Variants in TRIQK observed in about 807,000 individuals in gnomAD.
TRIQK encodes the protein triple QxxK/R motif-containing protein.
A neutral mutation model predicts 10.8 loss-of-function variants in TRIQK; 10 were observed. That is an observed-to-expected ratio of 0.92 (90% CI 0.57 to 1.57). The LOEUF is 1.57. TRIQK is among the 40% of genes most tolerant of loss of function. TRIQK has a pLI of 0.00. For synonymous variants in TRIQK, 33 were observed against 33.7 expected, an observed-to-expected ratio of 0.98 and a Z score of 0.07; for missense variants, 107 against 97.7, an observed-to-expected ratio of 1.09 and a Z score of -0.40.
chr8:92,908,198 C>T (rs965516028), intron 3 of TRIQK, among the ~76,000 whole-genome samples: 6 of 152,086 alleles, frequency 3.9e-5, no homozygotes, highest in Admixed American at 3.9e-4. Context: ...CTCATTATCA[C>T]GTGAATATCT....
At chr8:92,954,640 C>G (rs1812081063) in intron 1 of TRIQK, 76 bp from the exon 2 acceptor site, 1 of 151,882 alleles carries the variant, frequency 6.6e-6, no homozygotes, top group South Asian at 2.1e-4. Context: ...AAATTTAAAT[C>G]ACAGGGAAAT....
At chr8:93,016,257 A>C (rs1286526002) in intron 1 of TRIQK, among the ~76,000 whole-genome samples, 1 of 152,224 alleles carries the variant, frequency 6.6e-6, no homozygotes, top group Non-Finnish European at 1.5e-5. Flanking sequence ...ATTTTTAAAA[A>C]TATGTTTCCC....
chr8:92,901,491 T>A (rs1808937023), intron 3 of TRIQK, among the ~76,000 whole-genome samples: 1 of 152,200 alleles, frequency 6.6e-6, no homozygotes, highest in Admixed American at 6.6e-5. Flanking sequence ...TTTTCACCAT[T>A]AATTGAAATG....
chr8:92,928,073 G>A (rs562481354), intron 2 of TRIQK: 1 of 152,154 alleles, frequency 6.6e-6, no homozygotes, highest in East Asian at 1.9e-4. Context: ...GGTTCAAGGG[G>A]GATATAAAAA....
chr8:92,924,194 T>C (rs1375944965), intron 2 of TRIQK, among the ~76,000 whole-genome samples: 3 of 151,996 alleles, frequency 2.0e-5, no homozygotes, highest in African/African-American at 4.8e-5. Context: ...TGCTAGATGC[T>C]GAGGATATAA....
intron 1 of TRIQK, among the ~76,000 whole-genome samples, chr8:93,004,119 T>C (rs1813242241): frequency 6.6e-6 from 1 of 152,178 alleles, no homozygotes; most frequent in Non-Finnish European, 1.5e-5. Context: ...TGCTCCCACA[T>C]TTCTCCTCTG....
chr8:92,941,543 G>A (rs1286421787), intron 2 of TRIQK, among the ~76,000 whole-genome samples: 2 of 151,854 alleles, frequency 1.3e-5, no homozygotes, highest in African/African-American at 4.8e-5. Flanking sequence ...CTAGAAAAAT[G>A]AAGAAATGAA....
At chr8:92,920,491 T>C (rs2130484392) in intron 2 of TRIQK, among the ~76,000 whole-genome samples, 1 of 150,938 alleles carries the variant, frequency 6.6e-6, no homozygotes, top group African/African-American at 2.4e-5. Context: ...AAAACAGGCT[T>C]TGAAGAACAA....
chr8:93,016,498 A>C (rs1370544932), intron 1 of TRIQK, among the ~76,000 whole-genome samples: 1 of 152,218 alleles, frequency 6.6e-6, no homozygotes, highest in Non-Finnish European at 1.5e-5. Flanking sequence ...TTTACTTTTA[A>C]TTTTATTAAG....
At chr8:93,011,936 T>C (rs1813339761) in intron 1 of TRIQK, among the ~76,000 whole-genome samples, 2 of 152,076 alleles carry the variant, frequency 1.3e-5, no homozygotes, top group Non-Finnish European at 2.9e-5. Flanking sequence ...GAAACCAAGA[T>C]AGATGCAGAT....
At chr8:93,003,751 A>G (rs976659668) in intron 1 of TRIQK, among the ~76,000 whole-genome samples, 11 of 152,222 alleles carry the variant, frequency 7.2e-5, no homozygotes, top group African/African-American at 2.7e-4. Flanking sequence ...GCGTACAGGC[A>G]TTTGGTAAAT....
chr8:92,904,711 A>G (rs1181764606), intron 3 of TRIQK, among the ~76,000 whole-genome samples: 2 of 152,276 alleles, frequency 1.3e-5, no homozygotes, highest in Non-Finnish European at 2.9e-5. Flanking sequence ...TAAAAATATG[A>G]TTCCCAGAGA....
chr8:92,975,643 TC>T (rs1161040591), intron 1 of TRIQK, among the ~76,000 whole-genome samples: 1 of 152,112 alleles, frequency 6.6e-6, no homozygotes, highest in African/African-American at 2.4e-5. Flanking sequence ...TTTATTTTTT[TC>T]TATTGCTTTT....
chr8:93,010,492 T>C (rs1455071302), intron 1 of TRIQK, among the ~76,000 whole-genome samples: 3 of 152,068 alleles, frequency 2.0e-5, no homozygotes, highest in Non-Finnish European at 4.4e-5. Flanking sequence ...CTATCCAAAA[T>C]CACTAACATT....
intron 1 of TRIQK, among the ~76,000 whole-genome samples, chr8:92,976,812 G>A (rs1384589787): frequency 6.6e-6 from 1 of 151,128 alleles, no homozygotes; most frequent in Non-Finnish European, 1.5e-5. Context: ...TGGTTTTTTT[G>A]TGGCTTATAA....
intron 2 of TRIQK, among the ~76,000 whole-genome samples, chr8:92,938,580 A>G (rs992482415): frequency 1.3e-5 from 2 of 152,120 alleles, no homozygotes; most frequent in African/African-American, 2.4e-5. Context: ...TTCTTGAAAT[A>G]CTTTTTATTT....
chr8:92,943,290 G>A (rs62520793), intron 2 of TRIQK, among the ~76,000 whole-genome samples: 9,277 of 152,102 alleles, frequency 0.061, 497 homozygotes, highest in African/African-American at 0.15. Context: ...TCAAAATCCC[G>A]AAGACATCCT....
At chr8:92,966,760 A>T (rs1415944871), upstream of TRIQK, among the ~76,000 whole-genome samples, 2 of 152,180 alleles carry the variant, frequency 1.3e-5, no homozygotes, top group Admixed American at 6.5e-5. Context: ...ATGGACAATG[A>T]AACACAGGCT....
rs1185564717 is a variant in TRIQK, at chr8:92,885,033, A to G, written c.*1589T>C. The stretch of plus-strand genomic sequence containing the variant: ...CTTGGATTGGTCCGCTGTGGTGAGT[A>G]TATAAGAACTCTTGGTCTGTCTCTT... On this transcript the variant is annotated 3_prime_UTR_variant, in exon 5 of 5. Transcript: ENST00000521988. 2 of 455,822 alleles carry G rather than the reference A, an allele frequency of 4.4e-6. No individual in the cohort carries two copies. Among genetic ancestry groups the G allele is most frequent in the South Asian group, 1.5e-5 (1 of 64,536 alleles). The allele number at this position is 455,822 out of a possible 1,614,324, so 28.2% of individuals were successfully genotyped here. A position where few individuals can be genotyped will look rare whatever the true frequency, so the allele number is the denominator to read the frequency against.
Sources: gnomAD v4.1 joint callset for allele counts (sites outside exome capture counted in the v4.1 genomes callset) on GRCh38, gnomAD v4.1.1 for gene constraint, MANE v1.5 for transcripts, NCBI Gene and HGNC (gene_info 2026-07-23, HGNC 2026-07-21) for gene names.